TTC21B: variants seen among roughly 807,000 people sequenced by gnomAD.
TTC21B encodes the protein tetratricopeptide repeat protein 21B.
In TTC21B, 127 loss-of-function variants were observed where a neutral mutation model predicts 175.1. That is an observed-to-expected ratio of 0.73 (90% CI 0.63 to 0.84). The LOEUF is 0.84. Ranked by LOEUF, TTC21B falls within the 40% of genes least tolerant of loss-of-function variation. The pLI is 0.00. For missense variants in TTC21B, 1,561 were observed against 1,558.3 expected (o/e 1.00, Z -0.03); for synonymous variants, 524 against 524.5 (o/e 1.00, Z 0.01).
intron 6 of TTC21B, among the ~76,000 whole-genome samples, chr2:165,937,139 A>G (rs1687179236): frequency 6.6e-6 from 1 of 152,102 alleles, no homozygotes; most frequent in Non-Finnish European, 1.5e-5. Flanking sequence ...ATGAAAAGAC[A>G]TGGAAGAAAG....
In TTC21B at chr2:165,888,607, C is replaced by T. The variant is rs572449787; in HGVS notation, c.3264-133G>A. On this transcript the variant is annotated intron_variant, in intron 24 of 28. Coordinates refer to ENST00000243344, the MANE Select transcript of TTC21B (RefSeq NM_024753.5). ...TTTTTGTCACTCATTTAAAAGTAAT[C>T]TTTTGTAAAGAATGTCACTCATTCT... The T allele has an allele frequency of 6.5e-4, 459 of 704,972 alleles. No individual in the cohort carries two copies. In the African/African-American group the frequency reaches 7.6e-3, roughly 12 times the overall value. The allele number at this position is 704,972 out of a possible 1,614,324, so 43.7% of individuals were successfully genotyped here. A position where few individuals can be genotyped will look rare whatever the true frequency, so the allele number is the denominator to read the frequency against.
At chr2:165,909,853 C>T (rs1685870029) in intron 18 of TTC21B, among the ~76,000 whole-genome samples, 1 of 152,008 alleles carries the variant, frequency 6.6e-6, no homozygotes, top group Non-Finnish European at 1.5e-5. Flanking sequence ...ATATTTCTAA[C>T]AAGGAAAGAA....
At chr2:165,891,183 G>C (rs1354818928) in intron 22 of TTC21B, among the ~76,000 whole-genome samples, 195 bp from the exon 23 acceptor site, 1 of 151,838 alleles carries the variant, frequency 6.6e-6, no homozygotes, top group Admixed American at 6.6e-5. Flanking sequence ...TACAGTTTGG[G>C]CTAGGCTGGT....
At chr2:165,916,401 TTG>T (rs1455554209) in intron 14 of TTC21B, among the ~76,000 whole-genome samples, 5 of 152,224 alleles carry the variant, frequency 3.3e-5, no homozygotes, top group African/African-American at 1.2e-4. Flanking sequence ...ACAAATGACT[TTG>T]AGTTCCTCAT....
chr2:165,953,560 G>C (rs923268809), intron 1 of TTC21B, 125 bp downstream of exon 1: 52 of 1,470,716 alleles, frequency 3.5e-5, no homozygotes, highest in Non-Finnish European at 4.6e-5. Context: ...CGAGCAGCCG[G>C]GGCACCGCAG....
intron 3 of TTC21B, 103 bp from the exon 4 acceptor site, chr2:165,945,793 G>A: frequency 8.9e-7 from 1 of 1,124,510 alleles, no homozygotes; most frequent in South Asian, 1.5e-5. Flanking sequence ...TCTCTATAGT[G>A]GTACTGTCTA....
At chr2:165,920,795 AGG>A (rs1427102519) in intron 12 of TTC21B, among the ~76,000 whole-genome samples, 1,512 of 150,406 alleles carry the variant, frequency 0.01, no homozygotes, top group African/African-American at 0.016. Flanking sequence ...AATATTTTGA[AGG>A]ATACTAAATA....
chr2:165,926,116 A>C (rs1374072508), intron 11 of TTC21B, among the ~76,000 whole-genome samples: 3 of 152,230 alleles, frequency 2.0e-5, no homozygotes, highest in South Asian at 2.1e-4. Flanking sequence ...TGCCTTTCTG[A>C]TATTTCCCTA....
intron 1 of TTC21B, among the ~76,000 whole-genome samples, chr2:165,953,027 G>C (rs1251408923): frequency 3.3e-5 from 5 of 152,224 alleles, no homozygotes; most frequent in Non-Finnish European, 7.3e-5. Context: ...GCTATCTCCA[G>C]CTTCTAATGG....
Position 165,880,697 on chromosome 2 carries a change from G to A in TTC21B, c.3787C>T (p.Arg1263Trp), listed in dbSNP as rs367690496. The A allele has an allele frequency of 3.2e-5, 51 of 1,613,356 alleles. No homozygotes were observed. The Admixed American group carries it at 4.8e-4, about 15-fold the overall frequency. ...AACTCACCTACTGCCGGATTTGTCC[G>A]ATTGCTATATTTCCATGCCATCTCA... Reference protein sequence around the residue: ...NYEMAWKYSNRTNPAVGYKLA... With the variant: ...NYEMAWKYSNWTNPAVGYKLA... The change falls in exon 27 of 29, where the codon CGG becomes TGG. Residue 1263 changes from arginine to tryptophan, a missense_variant. Physicochemically the swap from Arg to Trp is moderately radical, Grantham distance 101. Transcript: ENST00000243344.
chr2:165,924,942 T>C (rs1403636436), intron 11 of TTC21B, among the ~76,000 whole-genome samples: 1 of 139,196 alleles, frequency 7.2e-6, no homozygotes, highest in Non-Finnish European at 1.7e-5. Flanking sequence ...ATGGATAACA[T>C]ATCAAGTGGG....
chr2:165,876,379 G>GT (rs1446072120), intron 27 of TTC21B, 147 bp from the exon 28 acceptor site: 1 of 645,008 alleles, frequency 1.6e-6, no homozygotes, highest in African/African-American at 1.8e-5. Flanking sequence ...CAGAGAAGTT[G>GT]TGTGATAATA....
At position 165,915,203 on chromosome 2, in the gene TTC21B, A is replaced by C. The variant is rs753071448; in HGVS notation, c.2136T>G (p.Phe712Leu). 3.7e-6 allele frequency: 6 copies of C among 1,608,640 alleles called. No homozygotes were observed. The South Asian group carries it at 4.4e-5, about 12-fold the overall frequency. The change falls in exon 15 of 29, where the codon TTT becomes TTG. Residue 712 changes from phenylalanine to leucine, a missense_variant and splice_region_variant. Transcript: ENST00000243344. ...AATGGGTTAAGACAATTACTTACCT[A>C]AAACAAGTGATATATAACATTTTAT... ...RKDKMLYITC[F>L]REIAERMANP...
chr2:165,908,112 T>C (rs1331207884), intron 18 of TTC21B, among the ~76,000 whole-genome samples: 1 of 152,306 alleles, frequency 6.6e-6, no homozygotes, highest in East Asian at 1.9e-4. Context: ...CTGAAGTCAT[T>C]AGAAGATAGA....
chr2:165,949,184 G>A lies in TTC21B; in HGVS notation c.262+210C>T, dbSNP rs915940857. ...CTATGTACTAATGAAACCTCTGCCA[G>A]AGGATATAAGGAACACGAAAATAGT... On this transcript the variant is annotated intron_variant, in intron 3 of 28. Transcript: ENST00000243344. 6 of 566,880 alleles carry A rather than the reference G, an allele frequency of 1.1e-5. No individual in the cohort carries two copies. The African/African-American group carries it at 1.1e-4, about 11-fold the overall frequency. The allele number at this position is 566,880 out of a possible 1,614,324, so 35.1% of individuals were successfully genotyped here. A position where few individuals can be genotyped will look rare whatever the true frequency, so the allele number is the denominator to read the frequency against.
intron 14 of TTC21B, among the ~76,000 whole-genome samples, chr2:165,916,007 A>G (rs1217693206): frequency 6.6e-6 from 1 of 152,224 alleles, no homozygotes; most frequent in Non-Finnish European, 1.5e-5. Flanking sequence ...CTAGTAAAAC[A>G]GAAATTCTCT....
At chr2:165,882,121 G>A (rs6710878) in intron 26 of TTC21B, among the ~76,000 whole-genome samples, 83,442 of 151,894 alleles carry the variant, frequency 0.55, 23,320 homozygotes, top group Admixed American at 0.65. Flanking sequence ...CTGTTCTTCT[G>A]TTGGGAGGCA....
intron 5 of TTC21B, among the ~76,000 whole-genome samples, chr2:165,941,487 C>A (rs1363967613): frequency 1.5e-5 from 2 of 131,102 alleles, no homozygotes; most frequent in African/African-American, 5.6e-5. Context: ...ACAAAATTAT[C>A]TTTTTAGATT....
chr2:165,948,811 C>T (rs1687672338), intron 3 of TTC21B: 1 of 152,752 alleles, frequency 6.5e-6, no homozygotes, highest in Admixed American at 6.5e-5. Flanking sequence ...ACCTCAGTCT[C>T]TCAAGTTGCA....
Sources: gnomAD v4.1 joint callset for allele counts (sites outside exome capture counted in the v4.1 genomes callset) on GRCh38, gnomAD v4.1.1 for gene constraint, MANE v1.5 for transcripts, NCBI Gene and HGNC (gene_info 2026-07-23, HGNC 2026-07-21) for gene names.